SUCLG2: variants seen among roughly 807,000 people sequenced by gnomAD.
SUCLG2 encodes the protein succinate-CoA ligase GDP-forming subunit beta.
A neutral mutation model predicts 47.9 loss-of-function variants in SUCLG2; 42 were observed. The observed-to-expected ratio is 0.88, with a 90% CI of 0.69 to 1.14. SUCLG2 has a LOEUF of 1.14. Ranked by LOEUF, SUCLG2 falls within the 50% of genes most tolerant of loss-of-function variation. The pLI is 0.00. For synonymous variants in SUCLG2, 195 were observed against 197.3 expected (o/e 0.99, Z 0.10); for missense variants, 571 against 525.9 (o/e 1.09, Z -0.84).
At chr3:67,573,497 T>A (rs539673365) in intron 2 of SUCLG2, among the ~76,000 whole-genome samples, 3 of 152,208 alleles carry the variant, frequency 2.0e-5, no homozygotes, top group African/African-American at 7.2e-5. Context: ...ACAAATTTAG[T>A]AGCTTAACAC....
intron 6 of SUCLG2, among the ~76,000 whole-genome samples, chr3:67,511,305 G>A (rs564875617): frequency 6.6e-6 from 1 of 152,246 alleles, no homozygotes; most frequent in South Asian, 2.1e-4. Flanking sequence ...AGTGTGTTAG[G>A]TGAAAAAGGG....
intron 7 of SUCLG2, among the ~76,000 whole-genome samples, chr3:67,504,973 G>C (rs1705597327): frequency 6.6e-6 from 1 of 152,198 alleles, no homozygotes; most frequent in Admixed American, 6.5e-5. Flanking sequence ...TATTGACTAA[G>C]TAACAGTTTA....
intron 9 of SUCLG2, among the ~76,000 whole-genome samples, chr3:67,461,103 ACT>A (rs1361405263): frequency 6.6e-6 from 1 of 152,062 alleles, no homozygotes; most frequent in Non-Finnish European, 1.5e-5. Context: ...AGGATTTAAA[ACT>A]CTATGACAAG....
intron 2 of SUCLG2, among the ~76,000 whole-genome samples, chr3:67,591,478 GAGAGGTA>G (rs1224891399): frequency 2.6e-5 from 4 of 152,294 alleles, no homozygotes; most frequent in South Asian, 4.2e-4. Flanking sequence ...AGGGACCCAG[GAGAGGTA>G]ATTGAATCAT....
intron 9 of SUCLG2, among the ~76,000 whole-genome samples, chr3:67,452,457 CT>C (rs1180071884): frequency 6.6e-6 from 1 of 152,130 alleles, no homozygotes; most frequent in Non-Finnish European, 1.5e-5. Flanking sequence ...TTTTGAGGTG[CT>C]TAATGAGCCA....
At chr3:67,370,704 G>A (rs1258461872), downstream of SUCLG2, among the ~76,000 whole-genome samples, 1 of 152,150 alleles carries the variant, frequency 6.6e-6, no homozygotes, top group East Asian at 1.9e-4. Flanking sequence ...GAACAATTAT[G>A]ACAATATGCT....
chr3:67,421,363 A>T (rs1250282016), intron 9 of SUCLG2, among the ~76,000 whole-genome samples: 1 of 152,058 alleles, frequency 6.6e-6, no homozygotes, highest in Non-Finnish European at 1.5e-5. Context: ...TCCCAAAACA[A>T]TCCTCTCTCA....
At chr3:67,364,770 A>G (rs1297284583) in intron 10 of SUCLG2, among the ~76,000 whole-genome samples, 1 of 152,188 alleles carries the variant, frequency 6.6e-6, no homozygotes, top group Non-Finnish European at 1.5e-5. Context: ...ATCGAGTAAC[A>G]TGCTTTATAC....
chr3:67,621,783 C>T, intron 1 of SUCLG2, among the ~76,000 whole-genome samples: 1 of 152,150 alleles, frequency 6.6e-6, no homozygotes, highest in South Asian at 2.1e-4. Flanking sequence ...AGCCCTTTGA[C>T]CTTGGACTCC....
chr3:67,452,153 T>G (rs1403896959), intron 9 of SUCLG2, among the ~76,000 whole-genome samples: 1 of 152,156 alleles, frequency 6.6e-6, no homozygotes, highest in African/African-American at 2.4e-5. Flanking sequence ...AAACAAAAAC[T>G]CTCTATGTGC....
chr3:67,497,508 T>C (rs1368743118), intron 8 of SUCLG2, among the ~76,000 whole-genome samples: 1 of 152,188 alleles, frequency 6.6e-6, no homozygotes, highest in Non-Finnish European at 1.5e-5. Flanking sequence ...TCAATTGTTT[T>C]ATTAATAAAC....
intron 4 of SUCLG2, among the ~76,000 whole-genome samples, chr3:67,522,661 CTTTTT>C (rs201002662): frequency 1.5e-5 from 2 of 134,464 alleles, no homozygotes; most frequent in African/African-American, 2.7e-5. Context: ...GCTTTTCTTT[CTTTTT>C]TTTTTTTTTT....
chr3:67,537,518 C>T (rs904289362), intron 2 of SUCLG2, among the ~76,000 whole-genome samples: 19 of 152,162 alleles, frequency 1.2e-4, no homozygotes, highest in South Asian at 2.1e-4. Flanking sequence ...TGCACAGTGC[C>T]GAAATAAACA....
At chr3:67,380,643 C>A (rs1027628950) in intron 10 of SUCLG2, among the ~76,000 whole-genome samples, 3 of 151,676 alleles carry the variant, frequency 2.0e-5, no homozygotes, top group Admixed American at 6.6e-5. Context: ...TATGCAGAGC[C>A]ATCATGACCA....
At chr3:67,462,099 C>CTTT (rs1704351596) in intron 9 of SUCLG2, among the ~76,000 whole-genome samples, 1 of 152,106 alleles carries the variant, frequency 6.6e-6, no homozygotes. Flanking sequence ...CCCACAGCTC[C>CTTT]TGTTACAGCC....
chr3:67,408,911 T>C, intron 9 of SUCLG2: 1 of 1,517,322 alleles, frequency 6.6e-7, no homozygotes, highest in African/African-American at 1.4e-5. Flanking sequence ...CTCTCTATAA[T>C]CAGAGACTCC....
intron 2 of SUCLG2, among the ~76,000 whole-genome samples, chr3:67,556,261 C>T (rs976892356): frequency 6.6e-6 from 1 of 152,108 alleles, no homozygotes; most frequent in Non-Finnish European, 1.5e-5. Flanking sequence ...TTTCAGTGGG[C>T]TTTGTGTCCT....
intron 1 of SUCLG2, among the ~76,000 whole-genome samples, chr3:67,653,379 G>GT (rs1701321866): frequency 6.6e-6 from 1 of 152,148 alleles, no homozygotes; most frequent in South Asian, 2.1e-4. Flanking sequence ...TATTACAGTA[G>GT]TAAGTATTAG....
At chr3:67,523,081 C>G (rs560696223) in intron 4 of SUCLG2, among the ~76,000 whole-genome samples, 1 of 152,056 alleles carries the variant, frequency 6.6e-6, no homozygotes, top group East Asian at 1.9e-4. Flanking sequence ...GCCAACGCAC[C>G]CGGCCACATT....
Sources: gnomAD v4.1 joint callset for allele counts (sites outside exome capture counted in the v4.1 genomes callset) on GRCh38, gnomAD v4.1.1 for gene constraint, MANE v1.5 for transcripts, NCBI Gene and HGNC (gene_info 2026-07-23, HGNC 2026-07-21) for gene names.